The following TMEM117 variants were observed in gnomAD, a reference collection of about 807,000 sequenced individuals.
The protein encoded by TMEM117 is transmembrane protein 117.
In TMEM117, 27 loss-of-function variants were observed where a neutral mutation model predicts 52.4. The ratio of observed to expected loss-of-function variants is 0.51; its 90% CI spans 0.38 to 0.71. TMEM117 has a LOEUF of 0.71. Among genes scored for constraint, TMEM117 ranks in the 30% least tolerant of loss-of-function variants. The pLI, the probability that TMEM117 is intolerant of heterozygous loss-of-function variation, is 0.00. For synonymous variants in TMEM117, 215 were observed against 206.3 expected, an observed-to-expected ratio of 1.04 and a Z score of -0.36; for missense variants, 556 against 630.5, an observed-to-expected ratio of 0.88 and a Z score of 1.26.
intron 3 of TMEM117, among the ~76,000 whole-genome samples, chr12:44,012,266 G>A (rs1425779194): frequency 6.6e-6 from 1 of 151,872 alleles, no homozygotes; most frequent in Non-Finnish European, 1.5e-5. Flanking sequence ...ATTTGCCCAG[G>A]TGTTATGTGC....
chr12:43,987,413 G>A (rs866649082), intron 3 of TMEM117, among the ~76,000 whole-genome samples: 1 of 152,102 alleles, frequency 6.6e-6, no homozygotes, highest in East Asian at 1.9e-4. Context: ...ATTTTTTGAT[G>A]TCTTTAATTC....
chr12:43,906,323 C>T lies in TMEM117; in HGVS notation c.278-37887C>T, dbSNP rs543072905. Among the ~76,000 whole-genome samples, 3 of 152,128 alleles carry T rather than the reference C, an allele frequency of 2.0e-5. No individual in the cohort carries two copies. The East Asian group carries it at 5.8e-4, about 29-fold the overall frequency. On this transcript the variant is annotated intron_variant, in intron 2 of 7. Coordinates refer to ENST00000266534, the MANE Select transcript of TMEM117 (RefSeq NM_032256.3). ...ACTAAAAATACAAAAATTAGCTGGG[C>T]ATGGTGGTGCATGCCTGTAATCCCA...
At chr12:44,276,000 A>G (rs768583713) in intron 5 of TMEM117, among the ~76,000 whole-genome samples, 1 of 152,176 alleles carries the variant, frequency 6.6e-6, no homozygotes, top group African/African-American at 2.4e-5. Context: ...GGATAGTTCA[A>G]TTTTTATGAT....
chr12:43,895,917 A>T (rs1302107475), intron 2 of TMEM117, among the ~76,000 whole-genome samples: 3 of 152,050 alleles, frequency 2.0e-5, no homozygotes, highest in African/African-American at 7.2e-5. Flanking sequence ...TTTGCTGATG[A>T]AGGCTGTAAG....
chr12:43,860,289 C>G lies in TMEM117; in HGVS notation c.277+15361C>G, dbSNP rs562841385. 5.9e-5 allele frequency among the ~76,000 whole-genome samples: 9 copies of G among 151,840 alleles called. No homozygotes were observed. In the East Asian group the frequency reaches 1.7e-3, roughly 29 times the overall value. ...TTGTCTCATTTGCAAAGTACAGGAG[C>G]CTTAATGATATAGGACTTGATTTTG... is the stretch of plus-strand genomic sequence containing the variant. On this transcript the variant is annotated intron_variant, in intron 2 of 7. Coordinates refer to ENST00000266534, the MANE Select transcript of TMEM117 (RefSeq NM_032256.3).
chr12:43,797,974 G>C, the TMEM117 span: 3 of 832,260 alleles, frequency 3.6e-6, no homozygotes, highest in Non-Finnish European at 5.4e-6. Context: ...ATTTGTTTAC[G>C]GTCCTGCTAG....
At chr12:44,079,638 G>T (rs1947446796) in intron 3 of TMEM117, among the ~76,000 whole-genome samples, 1 of 152,070 alleles carries the variant, frequency 6.6e-6, no homozygotes, top group Non-Finnish European at 1.5e-5. Flanking sequence ...AGGCAGATAT[G>T]ATTATCTCAA....
intron 2 of TMEM117, among the ~76,000 whole-genome samples, chr12:43,864,151 C>T (rs566158749): frequency 5.2e-4 from 79 of 152,312 alleles, no homozygotes; most frequent in African/African-American, 1.9e-3. Flanking sequence ...TCAGGACCTG[C>T]AGCCTGCCAT....
intron 6 of TMEM117, among the ~76,000 whole-genome samples, chr12:44,318,751 C>T (rs1451615543): frequency 6.6e-6 from 1 of 151,974 alleles, no homozygotes; most frequent in Non-Finnish European, 1.5e-5. Flanking sequence ...AGTGGGTGCT[C>T]TGACTGCCTA....
At chr12:44,242,964 G>C (rs919865137) in intron 5 of TMEM117, among the ~76,000 whole-genome samples, 1 of 151,650 alleles carries the variant, frequency 6.6e-6, no homozygotes, top group Admixed American at 6.6e-5. Context: ...GACTTGTGTG[G>C]TATCTCACTG....
chr12:43,883,370 C>T (rs1193107259), intron 2 of TMEM117, among the ~76,000 whole-genome samples: 1 of 152,170 alleles, frequency 6.6e-6, no homozygotes, highest in Non-Finnish European at 1.5e-5. Flanking sequence ...CATATCTCTT[C>T]ATCACCGCAT....
chr12:43,976,810 A>C (rs890972936), intron 3 of TMEM117, among the ~76,000 whole-genome samples: 14 of 152,196 alleles, frequency 9.2e-5, no homozygotes, highest in Non-Finnish European at 1.8e-4. Context: ...TGTGTGCAGC[A>C]ACAGGTTTGT....
intron 4 of TMEM117, among the ~76,000 whole-genome samples, chr12:44,190,290 A>G (rs961872586): frequency 2.0e-5 from 3 of 152,216 alleles, no homozygotes; most frequent in Admixed American, 1.3e-4. Flanking sequence ...ATTAAGCCAC[A>G]TAGCTATAAA....
intron 6 of TMEM117, among the ~76,000 whole-genome samples, chr12:44,332,614 G>A (rs1265084587): frequency 1.3e-5 from 2 of 151,616 alleles, no homozygotes; most frequent in Non-Finnish European, 2.9e-5. Flanking sequence ...GAGAAGTATG[G>A]AATTTATTAT....
chr12:44,148,838 T>C (rs1191556277), intron 4 of TMEM117, among the ~76,000 whole-genome samples: 1 of 152,160 alleles, frequency 6.6e-6, no homozygotes, highest in East Asian at 1.9e-4. Context: ...ACATAAGCAC[T>C]GTTTCATTTC....
chr12:43,908,150 G>C (rs551405916), intron 2 of TMEM117, among the ~76,000 whole-genome samples: 17,507 of 62,494 alleles, frequency 0.28, 5,843 homozygotes, highest in African/African-American at 0.5. Flanking sequence ...CGGATCTCTC[G>C]GCAGAAACTC....
chr12:44,175,977 A>G (rs1484858688), intron 4 of TMEM117, among the ~76,000 whole-genome samples: 1 of 152,222 alleles, frequency 6.6e-6, no homozygotes, highest in Non-Finnish European at 1.5e-5. Context: ...GAAGATAAAG[A>G]ACAGCAAGTA....
At chr12:44,084,682 A>G (rs2138023624) in intron 3 of TMEM117, among the ~76,000 whole-genome samples, 1 of 152,280 alleles carries the variant, frequency 6.6e-6, no homozygotes, top group South Asian at 2.1e-4. Context: ...TCAGGGCTTC[A>G]TACTGGGATC....
At chr12:43,935,908 AGGG>A (rs1302515170) in intron 2 of TMEM117, among the ~76,000 whole-genome samples, 5 of 152,212 alleles carry the variant, frequency 3.3e-5, no homozygotes, top group Non-Finnish European at 7.3e-5. Flanking sequence ...TCCCAGGCAG[AGGG>A]TTCAGCATGA....
Sources: gnomAD v4.1 joint callset for allele counts (sites outside exome capture counted in the v4.1 genomes callset) on GRCh38, gnomAD v4.1.1 for gene constraint, MANE v1.5 for transcripts, NCBI Gene and HGNC (gene_info 2026-07-23, HGNC 2026-07-21) for gene names.